Variants in REV3L observed in about 807,000 individuals in gnomAD.
REV3L encodes the protein DNA polymerase zeta catalytic subunit.
In REV3L, 69 loss-of-function variants were observed where a neutral mutation model predicts 299.4. The observed-to-expected ratio is 0.23, with a 90% CI of 0.19 to 0.28. The LOEUF (loss-of-function observed/expected upper bound fraction) is 0.28. REV3L is among the 10% of genes least tolerant of loss of function. REV3L has a pLI of 1.00. For missense variants in REV3L, 3,128 were observed against 3,693.8 expected (o/e 0.85, Z 3.97); for synonymous variants, 1,238 against 1,271.4 (o/e 0.97, Z 0.56).
chr6:111,426,456 AC>A (rs1405106883), intron 1 of REV3L, among the ~76,000 whole-genome samples: 2 of 152,110 alleles, frequency 1.3e-5, no homozygotes, highest in African/African-American at 4.8e-5. Context: ...GAATCAATTA[AC>A]CCATTTATGC....
At chr6:111,436,104 A>G (rs540406362) in intron 1 of REV3L, among the ~76,000 whole-genome samples, 6 of 152,342 alleles carry the variant, frequency 3.9e-5, no homozygotes, top group Non-Finnish European at 5.9e-5. Context: ...TCATAATGCG[A>G]TATCATCTCA....
intron 1 of REV3L, among the ~76,000 whole-genome samples, chr6:111,465,144 G>A (rs1345914467): frequency 9.0e-5 from 13 of 144,866 alleles, no homozygotes; most frequent in Non-Finnish European, 1.8e-4. Flanking sequence ...GCAATGGTGC[G>A]ATCTCAGCTC....
At chr6:111,341,237 G>A (rs1776453066) in intron 21 of REV3L, among the ~76,000 whole-genome samples, 1 of 151,996 alleles carries the variant, frequency 6.6e-6, no homozygotes, top group Admixed American at 6.6e-5. Flanking sequence ...TAATAGAGAT[G>A]GGGTTTCACC....
intron 1 of REV3L, among the ~76,000 whole-genome samples, chr6:111,434,033 A>ACAC (rs1387879743): frequency 6.6e-6 from 1 of 152,154 alleles, no homozygotes; most frequent in African/African-American, 2.4e-5. Context: ...CAACAAAGGA[A>ACAC]CATCCCTCAA....
intron 13 of REV3L, among the ~76,000 whole-genome samples, chr6:111,370,030 A>C (rs1005022963): frequency 2.6e-5 from 4 of 152,028 alleles, no homozygotes; most frequent in Admixed American, 2.6e-4. Flanking sequence ...ATGGGGTTTC[A>C]CCATGTTGGC....
intron 1 of REV3L, among the ~76,000 whole-genome samples, chr6:111,422,692 A>G (rs1163355181): frequency 1.6e-5 from 2 of 128,542 alleles, no homozygotes; most frequent in South Asian, 2.5e-4. Flanking sequence ...ATATATATAT[A>G]TATATATATT....
intron 1 of REV3L, among the ~76,000 whole-genome samples, chr6:111,417,822 T>C (rs889252694): frequency 4.6e-5 from 7 of 152,166 alleles, no homozygotes; most frequent in Non-Finnish European, 1.0e-4. Context: ...TGAAACAAGA[T>C]CTGATTCTCC....
intron 1 of REV3L, among the ~76,000 whole-genome samples, chr6:111,470,949 C>T (rs1205326839): frequency 6.6e-6 from 1 of 151,150 alleles, no homozygotes; most frequent in Non-Finnish European, 1.5e-5. Flanking sequence ...CACTACACTC[C>T]AGCCTGGGCA....
At chr6:111,340,649 C>T (rs770203939) in intron 21 of REV3L, among the ~76,000 whole-genome samples, 1 of 151,948 alleles carries the variant, frequency 6.6e-6, no homozygotes, top group Non-Finnish European at 1.5e-5. Context: ...AAAGGGGTTA[C>T]CATACCTACC....
chr6:111,341,102 C>T (rs1196209225), intron 21 of REV3L, among the ~76,000 whole-genome samples: 1 of 138,748 alleles, frequency 7.2e-6, no homozygotes, highest in Admixed American at 8.3e-5. Flanking sequence ...AGCGCAGTGG[C>T]GTGATCTTAG....
At chr6:111,412,733 C>T (rs776483626) in intron 2 of REV3L, among the ~76,000 whole-genome samples, 6 of 150,542 alleles carry the variant, frequency 4.0e-5, no homozygotes, top group Non-Finnish European at 8.9e-5. Flanking sequence ...TTGTTTTAAG[C>T]CATCTGTATT....
intron 1 of REV3L, among the ~76,000 whole-genome samples, chr6:111,439,418 A>G (rs188988065): frequency 6.6e-6 from 1 of 152,346 alleles, no homozygotes; most frequent in Admixed American, 6.5e-5. Flanking sequence ...GGCCATCAGA[A>G]GTAGACAACA....
At chr6:111,323,174 GAGATGGGGTT>G (rs1774380706) in intron 25 of REV3L, among the ~76,000 whole-genome samples, 1 of 152,142 alleles carries the variant, frequency 6.6e-6, no homozygotes, top group African/African-American at 2.4e-5. Flanking sequence ...TTTTTTAGTA[GAGATGGGGTT>G]TCACCATATT....
chr6:111,450,781 C>CT (rs952116108), intron 1 of REV3L, among the ~76,000 whole-genome samples: 4 of 152,150 alleles, frequency 2.6e-5, no homozygotes, highest in African/African-American at 9.7e-5. Context: ...GTAAATCACT[C>CT]TAACGTCTGG....
chr6:111,376,191 C>T lies in REV3L; in HGVS notation c.2164G>A (p.Glu722Lys), dbSNP rs1451533465. Residue 722 changes from glutamate (E) to lysine (K), a missense_variant, in exon 13 of 32, where the codon GAA (glutamate) becomes AAA (lysine). Glu to Lys is a moderately conservative substitution (Grantham distance 56). This residue lies in a region of REV3L where 2,409 missense variants were observed against 2,611.8 expected (regional missense o/e 0.92). Coordinates refer to ENST00000368802, the MANE Select transcript of REV3L (RefSeq NM_001372078.1). The stretch of plus-strand genomic sequence containing the variant: ...GTGCTGTTTCCTTTTTCATTTCCTT[C>T]AGAGGATACTTTATTTTTTGAATGA... ...LNHSKNKVSS[E>K]GNEKGNSTAL... 6.2e-7 allele frequency: 1 copy of T among 1,612,326 alleles called. No individual in the cohort carries two copies. The highest frequency in any genetic ancestry group is 8.5e-7 in the Non-Finnish European group (1 of 1,179,742).
intron 9 of REV3L, among the ~76,000 whole-genome samples, chr6:111,382,647 T>G (rs1345135408): frequency 6.6e-6 from 1 of 152,180 alleles, no homozygotes; most frequent in Non-Finnish European, 1.5e-5. Flanking sequence ...CTAAATAAAC[T>G]TGAAAGCCAG....
chr6:111,309,594 G>T (rs1772730168), intron 30 of REV3L: 2 of 314,718 alleles, frequency 6.4e-6, no homozygotes, highest in Non-Finnish European at 1.2e-5. Flanking sequence ...GGCCAAGGTG[G>T]TCTTGGAAAA....
chr6:111,301,361 T>G (rs1466570330), intron 31 of REV3L, among the ~76,000 whole-genome samples: 2 of 152,180 alleles, frequency 1.3e-5, no homozygotes, highest in African/African-American at 4.8e-5. Context: ...TTTTACTGCC[T>G]TTGAAGCATG....
intron 1 of REV3L, among the ~76,000 whole-genome samples, chr6:111,445,301 G>GGTA (rs1788715756): frequency 6.6e-6 from 1 of 151,880 alleles, no homozygotes; most frequent in Admixed American, 6.6e-5. Context: ...GGGTAACGGG[G>GGTA]GTAAATCATG....
Sources: allele counts gnomAD v4.1 joint callset (sites outside exome capture counted in the v4.1 genomes callset), GRCh38; gene constraint gnomAD v4.1.1; regional missense constraint gnomAD v4.1.1; transcripts MANE v1.5; gene names NCBI Gene and HGNC (gene_info 2026-07-23, HGNC 2026-07-21).